EIF5B: variants seen among roughly 807,000 people sequenced by gnomAD.
EIF5B encodes the protein eIF-5B.
In EIF5B, 47 loss-of-function variants were observed where a neutral mutation model predicts 147.5. That is an observed-to-expected ratio of 0.32 (90% CI 0.25 to 0.41). EIF5B has a LOEUF of 0.41. Among genes scored for constraint, EIF5B ranks in the 10% least tolerant of loss-of-function variants. The probability of loss-of-function intolerance (pLI) is 1.00; values close to 1 mark genes in which losing one functional copy is unlikely to be tolerated. For synonymous variants in EIF5B, 455 were observed against 456.2 expected (o/e 1.00, Z 0.03); for missense variants, 1,064 against 1,413.2 (o/e 0.75, Z 3.96).
At position 99,343,323 on chromosome 2, in the gene EIF5B, A is replaced by T. The variant is rs564277795; in HGVS notation, c.35+5734A>T. 6.0e-5 allele frequency among the ~76,000 whole-genome samples: 9 copies of T among 150,810 alleles called. No homozygotes were observed. In the East Asian group the frequency reaches 7.8e-4, roughly 13 times the overall value. On this transcript the variant is annotated intron_variant, in intron 1 of 23. Coordinates refer to ENST00000289371, the MANE Select transcript of EIF5B (RefSeq NM_015904.4). ...AGTCTGGATACTAGATCCTTATCAG[A>T]TATATGATTTGCAGATACTTTCTCT...
chr2:99,385,196 G>A (rs1444496039), intron 14 of EIF5B, among the ~76,000 whole-genome samples: 4 of 152,196 alleles, frequency 2.6e-5, no homozygotes, highest in Non-Finnish European at 5.9e-5. Context: ...ACAGGCATGC[G>A]CCACCACTCC....
At chr2:99,394,146 C>T in intron 18 of EIF5B, 121 bp from the exon 19 acceptor site, 4 of 1,331,536 alleles carry the variant, frequency 3.0e-6, no homozygotes, top group Non-Finnish European at 4.1e-6. Context: ...CTTGCTCTAT[C>T]TAAGCCTTAG....
chr2:99,349,460 C>T (rs919700179), intron 1 of EIF5B, among the ~76,000 whole-genome samples: 51 of 152,114 alleles, frequency 3.4e-4, no homozygotes, highest in Admixed American at 1.4e-3. Flanking sequence ...GTTAATTTTC[C>T]TTTTACTTTG....
intron 7 of EIF5B, 67 bp from the exon 8 acceptor site, chr2:99,369,325 A>G: frequency 8.0e-7 from 1 of 1,250,910 alleles, no homozygotes; most frequent in Non-Finnish European, 1.1e-6. Context: ...TTCAGTACTT[A>G]ATGGAGTATC....
chr2:99,337,490 G>A lies in EIF5B; in HGVS notation c.-65G>A, dbSNP rs2094245656. 1 of 1,583,918 alleles carries A rather than the reference G, an allele frequency of 6.3e-7. No homozygotes were observed. The highest frequency in any genetic ancestry group is 8.6e-7 in the Non-Finnish European group (1 of 1,164,530). ...AGCTGAGCGGAGACCAAAGTCAGCC[G>A]GGAGACAGTGGGTCTGTGAGAGACC... On this transcript the variant is annotated 5_prime_UTR_variant, in exon 1 of 24. Transcript: ENST00000289371.
intron 6 of EIF5B, among the ~76,000 whole-genome samples, chr2:99,366,175 ATG>A (rs1280913304): frequency 6.6e-6 from 1 of 152,212 alleles, no homozygotes; most frequent in Non-Finnish European, 1.5e-5. Flanking sequence ...CTTGATTGTT[ATG>A]TCTCAGTTTG....
In EIF5B at chr2:99,399,369, C is replaced by G; in HGVS notation, c.3618C>G (p.Asp1206Glu). The G allele has an allele frequency of 6.2e-7, 1 of 1,614,134 alleles. No homozygotes were observed. The change falls in exon 24 of 24, where the codon GAC becomes GAG. Residue 1206 changes from aspartate (D) to glutamate (E), a missense_variant. Coordinates refer to ENST00000289371, the MANE Select transcript of EIF5B (RefSeq NM_015904.4). ...TCAGAGATGAAATGCAGAAGAGTGA[C>G]TGGCAGCTTATTGTGGAGCTGAAGA... ...DWFRDEMQKS[D>E]WQLIVELKKV...
rs752506083 is a variant in EIF5B at position 99,394,485 on chromosome 2, A to T, written c.3013-24A>T. ...GCCATTACCTGATACATACAGATAA[A>T]CATGGAAACTCCCATTTTTTCAGTA... On this transcript the variant is annotated intron_variant, in intron 19 of 23. Transcript: ENST00000289371. 4.0e-5 allele frequency: 64 copies of T among 1,613,948 alleles called. No homozygotes were observed. In the Admixed American group the frequency reaches 1.1e-3, roughly 26 times the overall value.
chr2:99,353,302 C>G (rs915511953), intron 1 of EIF5B, among the ~76,000 whole-genome samples: 1 of 151,046 alleles, frequency 6.6e-6, no homozygotes, highest in African/African-American at 2.4e-5. Flanking sequence ...CGTGAGCCCC[C>G]GCGTCTGGCC....
At position 99,396,635 on chromosome 2, in the gene EIF5B, T is replaced by A. The variant is rs564127502; in HGVS notation, c.3255-125T>A. 1.7e-5 allele frequency: 21 copies of A among 1,241,028 alleles called. No individual in the cohort carries two copies. The African/African-American group carries it at 2.9e-4, about 17-fold the overall frequency. The allele number at this position is 1,241,028 out of a possible 1,614,324, so 76.9% of individuals were successfully genotyped here. ...TGGGCTGCAGCACCCTGCCTGCCCC[T>A]CTCCTGTGGCCGCTGGGGAAAGCTG... On this transcript the variant is annotated intron_variant, in intron 21 of 23. Coordinates refer to ENST00000289371, the MANE Select transcript of EIF5B (RefSeq NM_015904.4).
chr2:99,399,100 CAGAG>C (rs1675137384), intron 23 of EIF5B, 191 bp downstream of exon 23: 1 of 808,358 alleles, frequency 1.2e-6, no homozygotes, highest in Non-Finnish European at 1.9e-6. Context: ...GCAGCACCAA[CAGAG>C]AAAGCTAGGA....
At chr2:99,378,922 G>A (rs1674617242) in intron 10 of EIF5B, 97 bp from the exon 11 acceptor site, 2 of 905,656 alleles carry the variant, frequency 2.2e-6, no homozygotes, top group African/African-American at 1.7e-5. Context: ...TTGGATGCAG[G>A]TTGTAGCATT....
In EIF5B at chr2:99,401,053, A is replaced by AATT. The variant is rs1182288406; in HGVS notation, c.*1641_*1643dup. On this transcript the variant is annotated 3_prime_UTR_variant, in exon 24 of 24. Coordinates refer to ENST00000289371, the MANE Select transcript of EIF5B (RefSeq NM_015904.4). ...AATAGAATCTATGCTACAGTAAAAT[A>AATT]ATTAACACAATTATTTACATGCAAT... 5 of 392,724 alleles carry AATT rather than the reference A, an allele frequency of 1.3e-5. No individual in the cohort carries two copies. The highest frequency in any genetic ancestry group is 1.1e-4 in the African/African-American group (5 of 46,444). The allele number at this position is 392,724 out of a possible 1,614,324, so 24.3% of individuals were successfully genotyped here.
intron 1 of EIF5B, among the ~76,000 whole-genome samples, chr2:99,348,816 A>G (rs1444614966): frequency 6.6e-6 from 1 of 152,162 alleles, no homozygotes; most frequent in African/African-American, 2.4e-5. Context: ...TGGATTTTAC[A>G]CTTCTACCAA....
intron 10 of EIF5B, among the ~76,000 whole-genome samples, chr2:99,378,486 T>C (rs1050956817): frequency 5.3e-5 from 8 of 152,220 alleles, no homozygotes; most frequent in African/African-American, 1.7e-4. Context: ...GTTTTACTTA[T>C]TTAAGCTGAA....
At chr2:99,377,128 A>C (rs141458743) in intron 10 of EIF5B, among the ~76,000 whole-genome samples, 9 of 152,228 alleles carry the variant, frequency 5.9e-5, no homozygotes, top group Non-Finnish European at 1.3e-4. Context: ...CTTCAAGAGA[A>C]AGTTTTCTTT....
At chr2:99,345,883 G>A (rs1454761294) in intron 1 of EIF5B, among the ~76,000 whole-genome samples, 1 of 151,168 alleles carries the variant, frequency 6.6e-6, no homozygotes, top group Non-Finnish European at 1.5e-5. Context: ...GGTCAAGGCT[G>A]CAGTGAGCCA....
At position 99,398,796 on chromosome 2, in the gene EIF5B, G is replaced by C. The variant is rs1238874544; in HGVS notation, c.3442G>C (p.Val1148Leu). The change falls in exon 23 of 24, where the codon GTG (valine) becomes CTG (leucine). Residue 1148 changes from valine to leucine, a missense_variant. Physicochemically the swap from Val to Leu is conservative, Grantham distance 32 (BLOSUM62 1). Around this residue, in one of 4 missense-constraint regions of EIF5B, gnomAD observed 380 missense variants for 715.6 expected, o/e 0.53. Transcript: ENST00000289371. ...AAGTATTGAAATAAACCATAAACAA[G>C]TGGATGTTGCAAAAAAAGGACAAGA... ...VTSIEINHKQ[V>L]DVAKKGQEVC... 1 of 1,613,946 alleles carries C rather than the reference G, an allele frequency of 6.2e-7. No homozygotes were observed. Among genetic ancestry groups the C allele is most frequent in the African/African-American group, 1.3e-5 (1 of 74,912 alleles).
At chr2:99,380,262 G>A (rs956034115) in intron 12 of EIF5B, among the ~76,000 whole-genome samples, 2 of 151,874 alleles carry the variant, frequency 1.3e-5, no homozygotes, top group African/African-American at 4.8e-5. Flanking sequence ...ATGTTGCCCA[G>A]GCTGGTCTTG....
Sources: allele counts gnomAD v4.1 joint callset (sites outside exome capture counted in the v4.1 genomes callset), GRCh38; gene constraint gnomAD v4.1.1; regional missense constraint gnomAD v4.1.1; transcripts MANE v1.5; gene names NCBI Gene and HGNC (gene_info 2026-07-23, HGNC 2026-07-21).